MED15: variants seen among roughly 807,000 people sequenced by gnomAD.
MED15 encodes the protein mediator complex subunit 15.
In MED15, 41 loss-of-function variants were observed where a neutral mutation model predicts 118.7. The ratio of observed to expected loss-of-function variants is 0.35; its 90% CI spans 0.27 to 0.45. The LOEUF (loss-of-function observed/expected upper bound fraction) is 0.45, where lower values mean the gene tolerates loss of function less well. MED15 is among the 20% of genes least tolerant of loss of function. The pLI, the probability that MED15 is intolerant of heterozygous loss-of-function variation, is 1.00. For synonymous variants in MED15, 436 were observed against 413.9 expected (o/e 1.05, Z -0.65); for missense variants, 740 against 1,025.5 (o/e 0.72, Z 3.80).
chr22:20,585,597 G>C (rs981792205), intron 16 of MED15, 131 bp from the exon 17 acceptor site: 1 of 834,722 alleles, frequency 1.2e-6, no homozygotes, highest in Non-Finnish European at 1.9e-6. Flanking sequence ...GAGTCAGAGA[G>C]ACCTCCTCCA....
intron 1 of MED15, among the ~76,000 whole-genome samples, chr22:20,514,734 C>T (rs1406073522): frequency 1.3e-5 from 2 of 152,158 alleles, no homozygotes; most frequent in Non-Finnish European, 2.9e-5. Context: ...CAGCAACTTC[C>T]AAGGGTCTGG....
chr22:20,538,509 C>G (rs1315943317), intron 2 of MED15, among the ~76,000 whole-genome samples: 1 of 152,138 alleles, frequency 6.6e-6, no homozygotes, highest in Non-Finnish European at 1.5e-5. Context: ...CTTGCCCTCC[C>G]TAAATGCTGG....
chr22:20,540,444 C>T (rs149222177), intron 2 of MED15, among the ~76,000 whole-genome samples: 11 of 152,210 alleles, frequency 7.2e-5, no homozygotes, highest in East Asian at 1.9e-4. Flanking sequence ...CATGGTGGCG[C>T]GTGCCTGTAG....
At chr22:20,545,473 C>CAAAAAAA (rs56307139) in intron 2 of MED15, among the ~76,000 whole-genome samples, 38 of 90,092 alleles carry the variant, frequency 4.2e-4, no homozygotes, top group East Asian at 1.9e-3. Context: ...GACTCCACCT[C>CAAAAAAA]AAAAAAAAAA....
intron 9 of MED15, 97 bp from the exon 10 acceptor site, chr22:20,582,512 CTG>C (rs1386135582): frequency 9.9e-6 from 15 of 1,511,226 alleles, no homozygotes; most frequent in Non-Finnish European, 1.3e-5. Flanking sequence ...TGTGGTGAGG[CTG>C]TGCGGGAGGA....
intron 2 of MED15, among the ~76,000 whole-genome samples, chr22:20,539,903 A>G (rs1393273041): frequency 6.6e-6 from 1 of 152,084 alleles, no homozygotes; most frequent in Non-Finnish European, 1.5e-5. Context: ...TCCTCTGTCC[A>G]TTTTTAAATT....
chr22:20,523,567 C>A (rs970836865), intron 1 of MED15: 18 of 759,638 alleles, frequency 2.4e-5, no homozygotes, highest in Non-Finnish European at 2.6e-5. Flanking sequence ...TCTAAAAGAT[C>A]GAGCTTCCCC....
At chr22:20,568,273 T>TGGG in intron 7 of MED15, among the ~76,000 whole-genome samples, 1 of 152,148 alleles carries the variant, frequency 6.6e-6, no homozygotes, top group East Asian at 1.9e-4. Context: ...CGTCAGTGCT[T>TGGG]GTGATAGCTG....
In MED15 at chr22:20,564,778, G is replaced by A. The variant is rs569228374; in HGVS notation, c.690+90G>A. On this transcript the variant is annotated intron_variant, in intron 6 of 17. Transcript: ENST00000263205. ...GCCACAATGCTGGGTGCAGTGCCCGGAGCCAGCCGAGGGTTCTCTTGACAC... is the reference window on the plus strand; with the variant it reads ...GCCACAATGCTGGGTGCAGTGCCCGAAGCCAGCCGAGGGTTCTCTTGACAC... The A allele has an allele frequency of 6.8e-5, 107 of 1,575,348 alleles. 2 individuals are homozygous for A. In the Middle Eastern group the frequency reaches 1.9e-3, roughly 28 times the overall value.
At chr22:20,538,846 C>T (rs1016006222) in intron 2 of MED15, among the ~76,000 whole-genome samples, 3 of 151,214 alleles carry the variant, frequency 2.0e-5, no homozygotes, top group East Asian at 2.0e-4. Flanking sequence ...ATTACAGGTG[C>T]GCACCACCAC....
At chr22:20,522,546 C>G (rs186247992) in intron 1 of MED15, among the ~76,000 whole-genome samples, 1 of 152,214 alleles carries the variant, frequency 6.6e-6, no homozygotes, top group Non-Finnish European at 1.5e-5. Flanking sequence ...TGTGAATGCT[C>G]GTATTCCGTG....
At chr22:20,569,161 ATGTGTGGAATGTGTG>A (rs1422922264) in intron 8 of MED15, among the ~76,000 whole-genome samples, 2 of 151,546 alleles carry the variant, frequency 1.3e-5, no homozygotes, top group African/African-American at 2.4e-5. Flanking sequence ...GGTGTGTCAC[ATGTGTGGAATGTGTG>A]TGTGTCTCTG....
Position 20,523,702 on chromosome 22 carries a change from C to T in MED15, c.69-13415C>T, listed in dbSNP as rs145160293. On this transcript the variant is annotated intron_variant, in intron 1 of 17. Coordinates refer to ENST00000263205, the MANE Select transcript of MED15 (RefSeq NM_001003891.3). Reference sequence around the variant, plus strand: ...GGCGAGACCTAGGGGAGCCCCAGGCCAGCACCAGGACAGAGATCTCGAGGC... The same window carrying T: ...GGCGAGACCTAGGGGAGCCCCAGGCTAGCACCAGGACAGAGATCTCGAGGC... 9.0e-5 allele frequency: 89 copies of T among 985,428 alleles called. 1 individual carries two copies. In the East Asian group the frequency reaches 8.7e-3, roughly 97 times the overall value. 61.0% of individuals were successfully genotyped at this position (985,428 alleles called of 1,614,324 possible). A position where few individuals can be genotyped will look rare whatever the true frequency, so the allele number is the denominator to read the frequency against.
At chr22:20,513,282 CTTTT>C (rs361904) in intron 1 of MED15, among the ~76,000 whole-genome samples, 2 of 127,030 alleles carry the variant, frequency 1.6e-5, no homozygotes, top group African/African-American at 2.7e-5. Context: ...CTTTTTCTTT[CTTTT>C]TTTTTTTTTT....
chr22:20,511,047 C>T (rs2054046552), intron 1 of MED15, among the ~76,000 whole-genome samples: 1 of 152,114 alleles, frequency 6.6e-6, no homozygotes, highest in Non-Finnish European at 1.5e-5. Flanking sequence ...AGTCGTGATT[C>T]TTGGTGCCTT....
At chr22:20,554,629 C>T (rs1461924836) in intron 4 of MED15, 8 of 247,194 alleles carry the variant, frequency 3.2e-5, no homozygotes, top group African/African-American at 1.8e-4. Flanking sequence ...GGGGTTGCCA[C>T]CTGCCCTCAA....
At chr22:20,582,186 T>C (rs1420778554) in intron 9 of MED15, 7 of 244,212 alleles carry the variant, frequency 2.9e-5, no homozygotes, top group Non-Finnish European at 4.7e-5. Context: ...TGGAAGCATG[T>C]GGGAAGACGG....
chr22:20,564,006 T>A (rs1157111023), intron 5 of MED15, among the ~76,000 whole-genome samples: 1 of 152,202 alleles, frequency 6.6e-6, no homozygotes, highest in East Asian at 1.9e-4. Flanking sequence ...TAGAATATTA[T>A]TTGGCGATAA....
intron 14 of MED15, 54 bp downstream of exon 14, chr22:20,584,479 T>G: frequency 6.3e-7 from 1 of 1,590,872 alleles, no homozygotes; most frequent in Non-Finnish European, 8.6e-7. Flanking sequence ...TAAGAGCTCC[T>G]GGGAGTGCTG....
Sources: allele counts gnomAD v4.1 joint callset (sites outside exome capture counted in the v4.1 genomes callset), GRCh38; gene constraint gnomAD v4.1.1; transcripts MANE v1.5; gene names NCBI Gene and HGNC (gene_info 2026-07-23, HGNC 2026-07-21).